The following RIMS2 variants were observed in gnomAD, a reference collection of about 807,000 sequenced individuals.
The protein encoded by RIMS2 is regulating synaptic membrane exocytosis 2, also known as regulating synaptic membrane exocytosis protein 2.
A neutral mutation model predicts 174.4 loss-of-function variants in RIMS2; 59 were observed. That is an observed-to-expected ratio of 0.34 (90% CI 0.27 to 0.42). The LOEUF (loss-of-function observed/expected upper bound fraction) is 0.42, where lower values mean the gene tolerates loss of function less well. Among genes scored for constraint, RIMS2 ranks in the 10% least tolerant of loss-of-function variants. The pLI is 1.00. For synonymous variants in RIMS2, 606 were observed against 572.5 expected (o/e 1.06, Z -0.84); for missense variants, 1,620 against 1,666.3 (o/e 0.97, Z 0.48).
intron 19 of RIMS2, among the ~76,000 whole-genome samples, chr8:104,149,984 TAGA>T (rs1045175275): frequency 7.9e-5 from 12 of 152,334 alleles, no homozygotes; most frequent in East Asian, 3.8e-4. Context: ...AATATATAAA[TAGA>T]AGTTTAATTT....
At chr8:103,738,250 T>C (rs545506415) in intron 2 of RIMS2, among the ~76,000 whole-genome samples, 2 of 152,304 alleles carry the variant, frequency 1.3e-5, no homozygotes, top group African/African-American at 4.8e-5. Context: ...TTGTATAACA[T>C]ATTATACACT....
intron 19 of RIMS2, among the ~76,000 whole-genome samples, chr8:104,092,150 T>C (rs925548300): frequency 2.0e-5 from 3 of 151,836 alleles, no homozygotes; most frequent in African/African-American, 4.8e-5. Context: ...AGATCACTTA[T>C]ATCGGATCTA....
chr8:104,127,998 G>A (rs1361732874), intron 19 of RIMS2, among the ~76,000 whole-genome samples: 1 of 152,150 alleles, frequency 6.6e-6, no homozygotes, highest in African/African-American at 2.4e-5. Flanking sequence ...CTTAACTCAT[G>A]TAGCCTAAGG....
chr8:103,818,761 A>C (rs1431122094), intron 3 of RIMS2, among the ~76,000 whole-genome samples: 1 of 152,192 alleles, frequency 6.6e-6, no homozygotes, highest in Non-Finnish European at 1.5e-5. Context: ...ACTTTTCTTT[A>C]AAAATAAATA....
intron 3 of RIMS2, among the ~76,000 whole-genome samples, chr8:103,787,527 A>T (rs2098455082): frequency 6.6e-6 from 1 of 151,846 alleles, no homozygotes. Flanking sequence ...TCCTTCGCTT[A>T]TGAAGCTTAG....
chr8:104,220,404 T>C (rs1359618039), intron 19 of RIMS2, among the ~76,000 whole-genome samples: 2 of 152,018 alleles, frequency 1.3e-5, no homozygotes, highest in Non-Finnish European at 1.5e-5. Flanking sequence ...TGAAACCAGG[T>C]TATTAACACA....
intron 2 of RIMS2, among the ~76,000 whole-genome samples, chr8:103,747,542 A>C (rs767402746): frequency 6.6e-6 from 1 of 152,124 alleles, no homozygotes; most frequent in Non-Finnish European, 1.5e-5. Context: ...TGGAAGCTGG[A>C]AGATTAGTTA....
chr8:103,608,863 ACG>A (rs1563994373), intron 1 of RIMS2, among the ~76,000 whole-genome samples: 23 of 152,118 alleles, frequency 1.5e-4, no homozygotes, highest in African/African-American at 5.1e-4. Flanking sequence ...CGCACGGTGC[ACG>A]CACCCACTGA....
At chr8:104,081,746 C>T (rs2097424342) in intron 19 of RIMS2, among the ~76,000 whole-genome samples, 2 of 151,972 alleles carry the variant, frequency 1.3e-5, no homozygotes, top group Admixed American at 6.6e-5. Flanking sequence ...TCAATTTTCT[C>T]ATCTATAAAA....
intron 3 of RIMS2, among the ~76,000 whole-genome samples, chr8:103,807,267 A>G (rs1481202872): frequency 1.3e-5 from 2 of 152,168 alleles, no homozygotes; most frequent in Admixed American, 1.3e-4. Context: ...TCAGGAATGA[A>G]GAGTAAAAAT....
intron 1 of RIMS2, among the ~76,000 whole-genome samples, chr8:103,564,627 A>G (rs929666256): frequency 3.3e-5 from 5 of 152,234 alleles, no homozygotes; most frequent in Non-Finnish European, 7.3e-5. Context: ...GTTTGAGGGC[A>G]GGAAACATCC....
intron 1 of RIMS2, among the ~76,000 whole-genome samples, chr8:103,574,870 T>C (rs1227893830): frequency 2.0e-5 from 3 of 152,244 alleles, no homozygotes; most frequent in Admixed American, 6.5e-5. Flanking sequence ...AGATAGAAGA[T>C]ATTTCTAGCC....
chr8:103,516,004 C>G (rs1188884588), intron 1 of RIMS2, among the ~76,000 whole-genome samples: 1 of 152,072 alleles, frequency 6.6e-6, no homozygotes, highest in South Asian at 2.1e-4. Context: ...CATCTATACA[C>G]TTACTAATAT....
intron 3 of RIMS2, among the ~76,000 whole-genome samples, chr8:103,831,813 C>G (rs1277502813): frequency 6.6e-6 from 1 of 152,122 alleles, no homozygotes; most frequent in Non-Finnish European, 1.5e-5. Flanking sequence ...ATGGAAAACC[C>G]AACTAAAAAT....
chr8:104,015,371 T>G (rs1395626440), intron 19 of RIMS2: 22 of 662,712 alleles, frequency 3.3e-5, no homozygotes, highest in Non-Finnish European at 5.4e-5. Context: ...TTTGGTTCCC[T>G]TTTTGTTTGT....
At chr8:103,609,495 A>T (rs28799635) in intron 1 of RIMS2, among the ~76,000 whole-genome samples, 3 of 152,042 alleles carry the variant, frequency 2.0e-5, no homozygotes, top group Non-Finnish European at 4.4e-5. Context: ...CAGGCTTTAC[A>T]TTTGACTCTT....
chr8:103,934,046 G>A (rs1180050846), intron 12 of RIMS2, among the ~76,000 whole-genome samples: 1 of 151,788 alleles, frequency 6.6e-6, no homozygotes, highest in African/African-American at 2.4e-5. Flanking sequence ...AACTGGGCTT[G>A]TTTTATACTC....
intron 19 of RIMS2, among the ~76,000 whole-genome samples, chr8:104,229,243 T>C (rs1167321138): frequency 6.6e-6 from 1 of 152,156 alleles, no homozygotes; most frequent in African/African-American, 2.4e-5. Context: ...TTAATGTAAA[T>C]GTTCTCTGCT....
At chr8:103,578,835 C>T (rs2093423948) in intron 1 of RIMS2, among the ~76,000 whole-genome samples, 1 of 151,498 alleles carries the variant, frequency 6.6e-6, no homozygotes, top group African/African-American at 2.4e-5. Flanking sequence ...ACTAAAAATA[C>T]AAAAAAATTA....
Sources: gnomAD v4.1 joint callset for allele counts (sites outside exome capture counted in the v4.1 genomes callset) on GRCh38, gnomAD v4.1.1 for gene constraint, MANE v1.5 for transcripts, NCBI Gene and HGNC (gene_info 2026-07-23, HGNC 2026-07-21) for gene names.